RBFOX1: variants seen among roughly 807,000 people sequenced by gnomAD.
The protein encoded by RBFOX1 is RNA binding protein fox-1 homolog 1.
A neutral mutation model predicts 57.7 loss-of-function variants in RBFOX1; 8 were observed. The ratio of observed to expected loss-of-function variants is 0.14; its 90% confidence interval spans 0.08 to 0.25. The LOEUF (loss-of-function observed/expected upper bound fraction) is 0.25. Ranked by LOEUF, RBFOX1 falls within the 10% of genes least tolerant of loss-of-function variation. RBFOX1 has a pLI of 1.00. For synonymous variants in RBFOX1, 326 were observed against 222.4 expected, an observed-to-expected ratio of 1.47 and a Z score of -4.15; for missense variants, 611 against 548.5, an observed-to-expected ratio of 1.11 and a Z score of -1.14.
At chr16:7,611,465 G>A (rs2057447837) in intron 10 of RBFOX1, among the ~76,000 whole-genome samples, 1 of 152,012 alleles carries the variant, frequency 6.6e-6, no homozygotes, top group East Asian at 1.9e-4. Context: ...TGTAATACCA[G>A]CTACCTGGGA....
intron 4 of RBFOX1, among the ~76,000 whole-genome samples, chr16:7,503,707 A>G (rs1311181906): frequency 6.6e-6 from 1 of 152,168 alleles, no homozygotes; most frequent in Non-Finnish European, 1.5e-5. Context: ...GGAGGTGGAG[A>G]ATCCCTATTG....
chr16:7,281,910 G>A (rs572113278), intron 4 of RBFOX1, among the ~76,000 whole-genome samples: 3 of 151,948 alleles, frequency 2.0e-5, no homozygotes, highest in Non-Finnish European at 4.4e-5. Flanking sequence ...ACCCAGGATG[G>A]ACAGGAGGTC....
chr16:7,158,945 G>C (rs938274555), intron 4 of RBFOX1, among the ~76,000 whole-genome samples: 1 of 151,944 alleles, frequency 6.6e-6, no homozygotes, highest in Non-Finnish European at 1.5e-5. Flanking sequence ...AGTTTCATGT[G>C]GCCACCAACA....
intron 1 of RBFOX1, among the ~76,000 whole-genome samples, chr16:6,242,388 C>A (rs1420578261): frequency 6.6e-6 from 1 of 151,644 alleles, no homozygotes; most frequent in East Asian, 1.9e-4. Context: ...TAAAAAAAGT[C>A]TTTATTTTAT....
Position 6,041,860 on chromosome 16 carries a change from T to C in RBFOX1, c.-127+21868T>C, listed in dbSNP as rs78843013. 5.5e-3 allele frequency among the ~76,000 whole-genome samples: 843 copies of C among 152,210 alleles called. 9 individuals are homozygous for C. The highest frequency in any genetic ancestry group is 0.019 in the African/African-American group (798 of 41,532). On this transcript the variant is annotated intron_variant, in intron 1 of 15. Coordinates refer to ENST00000550418, the MANE Select transcript of RBFOX1 (RefSeq NM_018723.4). ...GGAACAAATCATCACAAACTTAATA[T>C]TGATTTCCTGTTTTAAAGTTCTATA...
chr16:7,646,178 A>G (rs1346617593), intron 11 of RBFOX1, among the ~76,000 whole-genome samples: 1 of 152,196 alleles, frequency 6.6e-6, no homozygotes, highest in Non-Finnish European at 1.5e-5. Context: ...ATATTTTGCC[A>G]TTTGGAAAAA....
At chr16:5,734,978 C>T (rs532143481) in intron 3 of RBFOX1, among the ~76,000 whole-genome samples, 13 of 151,980 alleles carry the variant, frequency 8.6e-5, no homozygotes, top group East Asian at 1.9e-4. Flanking sequence ...ACAAACTGGC[C>T]ACAAAAAAGA....
intron 4 of RBFOX1, among the ~76,000 whole-genome samples, chr16:7,358,136 C>T (rs1596367606): frequency 6.6e-6 from 1 of 152,198 alleles, no homozygotes; most frequent in Admixed American, 6.5e-5. Flanking sequence ...TCATAACTCA[C>T]TCCAGAAAAT....
At chr16:6,861,823 G>GTTTTTTTTTTTTTTTT (rs35138717) in intron 3 of RBFOX1, among the ~76,000 whole-genome samples, 183 of 92,440 alleles carry the variant, frequency 2.0e-3, no homozygotes, top group African/African-American at 4.9e-3. Flanking sequence ...GCGTCCCTTG[G>GTTTTTTTTTTTTTTTT]TTTTTTTTTT....
At chr16:6,590,477 G>A (rs1000535448) in intron 2 of RBFOX1, among the ~76,000 whole-genome samples, 33 of 152,180 alleles carry the variant, frequency 2.2e-4, no homozygotes, top group Admixed American at 2.1e-3. Flanking sequence ...TGTATTTGAT[G>A]TACCTGGTTC....
intron 3 of RBFOX1, among the ~76,000 whole-genome samples, chr16:5,794,512 G>A (rs530262295): frequency 7.9e-5 from 11 of 139,902 alleles, no homozygotes; most frequent in East Asian, 3.9e-4. Flanking sequence ...GCCAGCGTGC[G>A]TGTGTGTGTG....
intron 4 of RBFOX1, among the ~76,000 whole-genome samples, chr16:7,235,185 G>T (rs1303070831): frequency 6.6e-6 from 1 of 152,176 alleles, no homozygotes; most frequent in Non-Finnish European, 1.5e-5. Flanking sequence ...TTTTTAAAGT[G>T]CTTTAAAATG....
intron 4 of RBFOX1, among the ~76,000 whole-genome samples, chr16:5,940,289 A>G (rs1237291366): frequency 1.3e-5 from 2 of 152,148 alleles, no homozygotes; most frequent in African/African-American, 4.8e-5. Flanking sequence ...TAAATTCAGT[A>G]TTTGAACTAG....
intron 2 of RBFOX1, among the ~76,000 whole-genome samples, chr16:6,607,295 G>C (rs2097947599): frequency 6.6e-6 from 1 of 152,104 alleles, no homozygotes; most frequent in Non-Finnish European, 1.5e-5. Flanking sequence ...AGAAATGTCA[G>C]CTCTCATATT....
chr16:7,070,383 C>G (rs909700604), intron 4 of RBFOX1, among the ~76,000 whole-genome samples: 2 of 152,152 alleles, frequency 1.3e-5, no homozygotes, highest in African/African-American at 4.8e-5. Flanking sequence ...CTCAGATGCA[C>G]CCACGCATAC....
intron 1 of RBFOX1, among the ~76,000 whole-genome samples, chr16:5,358,512 T>C (rs925265272): frequency 3.3e-5 from 5 of 152,172 alleles, no homozygotes; most frequent in African/African-American, 9.7e-5. Flanking sequence ...AATCACATCA[T>C]GTAAAATCCC....
chr16:6,513,407 A>C (rs1271967812), intron 2 of RBFOX1, among the ~76,000 whole-genome samples: 1 of 152,094 alleles, frequency 6.6e-6, no homozygotes, highest in Non-Finnish European at 1.5e-5. Flanking sequence ...GGGAAGAGAG[A>C]GCACATTGGA....
At chr16:5,415,111 T>G (rs1358932216) in intron 1 of RBFOX1, among the ~76,000 whole-genome samples, 1 of 152,190 alleles carries the variant, frequency 6.6e-6, no homozygotes, top group Non-Finnish European at 1.5e-5. Flanking sequence ...ACACCGTGTA[T>G]TAGTCCTTTC....
chr16:7,027,894 G>A (rs1344103162), intron 3 of RBFOX1, among the ~76,000 whole-genome samples: 1 of 151,006 alleles, frequency 6.6e-6, no homozygotes, highest in Non-Finnish European at 1.5e-5. Flanking sequence ...AAAGAAGGGA[G>A]AAGAGAAGGG....
Sources: allele counts gnomAD v4.1 joint callset (sites outside exome capture counted in the v4.1 genomes callset), GRCh38; gene constraint gnomAD v4.1.1; transcripts MANE v1.5; gene names NCBI Gene and HGNC (gene_info 2026-07-23, HGNC 2026-07-21).